ST18: variants seen among roughly 807,000 people sequenced by gnomAD.
ST18 encodes ST18 C2H2C-type zinc finger transcription factor, also known as suppression of tumorigenicity 18 protein.
ST18 carries 50 observed loss-of-function variants against 110.0 expected under a neutral mutation model. The observed-to-expected ratio is 0.45, with a 90% confidence interval of 0.36 to 0.58. The LOEUF (loss-of-function observed/expected upper bound fraction) is 0.58. ST18 is among the 20% of genes least tolerant of loss of function. The probability of loss-of-function intolerance (pLI) is 0.00; values close to 1 mark genes in which losing one functional copy is unlikely to be tolerated. For synonymous variants in ST18, 461 were observed against 452.4 expected, an observed-to-expected ratio of 1.02 and a Z score of -0.24; for missense variants, 1,306 against 1,280.1, an observed-to-expected ratio of 1.02 and a Z score of -0.31.
At chr8:52,177,685 T>A (rs2067458094) in intron 9 of ST18, among the ~76,000 whole-genome samples, 1 of 152,218 alleles carries the variant, frequency 6.6e-6, no homozygotes. Context: ...AGGTAGTCAG[T>A]GTGTGAGGAC....
intron 21 of ST18, 103 bp from the exon 22 acceptor site, chr8:52,132,282 C>T: frequency 3.0e-6 from 3 of 1,007,562 alleles, no homozygotes; most frequent in Non-Finnish European, 4.2e-6. Context: ...ATAAAAGATG[C>T]CACCATAACT....
chr8:52,197,913 A>ACACAC (rs1554700394), intron 8 of ST18, among the ~76,000 whole-genome samples: 21 of 152,030 alleles, frequency 1.4e-4, no homozygotes, highest in Middle Eastern at 3.4e-3. Context: ...ACACACACAC[A>ACACAC]AATACAGAAC....
chr8:52,315,629 C>G (rs959558005), intron 2 of ST18, among the ~76,000 whole-genome samples: 1 of 152,054 alleles, frequency 6.6e-6, no homozygotes, highest in African/African-American at 2.4e-5. Context: ...AAGCTTCTAA[C>G]CTTTTACCTC....
chr8:52,329,746 G>A (rs991766922), intron 2 of ST18, among the ~76,000 whole-genome samples: 2 of 152,088 alleles, frequency 1.3e-5, no homozygotes, highest in African/African-American at 2.4e-5. Context: ...GGGCCACAGA[G>A]CGAGGCTCTG....
chr8:52,119,095 G>T (rs889542055), intron 23 of ST18, among the ~76,000 whole-genome samples: 2 of 152,150 alleles, frequency 1.3e-5, no homozygotes, highest in Non-Finnish European at 2.9e-5. Context: ...ACATCAGCTT[G>T]GGAGTTTGAC....
At position 52,165,220 on chromosome 8, in the gene ST18, C is replaced by T. The variant is rs766527672; in HGVS notation, c.1210G>A (p.Ala404Thr). The change falls in exon 12 of 26, where the codon GCC (alanine) becomes ACC (threonine). Residue 404 changes from alanine to threonine, a missense_variant. Ala to Thr is a moderately conservative substitution (Grantham distance 58). Coordinates refer to ENST00000689386, the MANE Select transcript of ST18 (RefSeq NM_001352837.2). Reference protein sequence around the residue: ...HKVRVPLEILAMHENVLKCPT... With the variant: ...HKVRVPLEILTMHENVLKCPT... ...CACTTGAGCACATTTTCATGCATGG[C>T]AAGAACTAAGCACAAAACAACACAT... 60 of 1,614,156 alleles carry T rather than the reference C, an allele frequency of 3.7e-5. 2 individuals are homozygous for T. In the South Asian group the frequency reaches 6.4e-4, roughly 17 times the overall value.
At chr8:52,138,737 C>T (rs1401320866) in intron 17 of ST18, among the ~76,000 whole-genome samples, 1 of 152,176 alleles carries the variant, frequency 6.6e-6, no homozygotes, top group Non-Finnish European at 1.5e-5. Flanking sequence ...CCAGCCTACT[C>T]AGTGTTATTT....
chr8:52,335,914 T>G (rs1370783398), intron 2 of ST18, among the ~76,000 whole-genome samples: 1 of 152,096 alleles, frequency 6.6e-6, no homozygotes, highest in South Asian at 2.1e-4. Flanking sequence ...GCTGTTAGAA[T>G]AGAAGCAATA....
rs755446617 is a variant in ST18 at position 52,210,515 on chromosome 8, G to A, written c.86+1564C>T. Among the ~76,000 whole-genome samples, 4 of 151,640 alleles carry A rather than the reference G, an allele frequency of 2.6e-5. No homozygotes were observed. In the South Asian group the frequency reaches 6.3e-4, roughly 24 times the overall value. On this transcript the variant is annotated intron_variant, in intron 8 of 25. Coordinates refer to ENST00000689386, the MANE Select transcript of ST18 (RefSeq NM_001352837.2). ...TCTACTAAAAATATAAAAATTAGCC[G>A]GGTGTGGTGGCACACACCTGTACTC...
chr8:52,306,638 T>A (rs1456314604), intron 2 of ST18, among the ~76,000 whole-genome samples: 2 of 152,050 alleles, frequency 1.3e-5, no homozygotes, highest in Non-Finnish European at 2.9e-5. Flanking sequence ...AAGAACAAAG[T>A]ATAATAGCAG....
chr8:52,270,392 AT>A (rs2095034982), intron 2 of ST18, among the ~76,000 whole-genome samples: 1 of 152,116 alleles, frequency 6.6e-6, no homozygotes, highest in Non-Finnish European at 1.5e-5. Flanking sequence ...TGTGATGGGC[AT>A]CCTTGCTTGA....
At chr8:52,122,747 A>G (rs4352875) in intron 23 of ST18, among the ~76,000 whole-genome samples, 9,455 of 152,046 alleles carry the variant, frequency 0.062, 893 homozygotes, top group African/African-American at 0.2. Flanking sequence ...TCGGCCTCCC[A>G]AAGTTCTGGG....
intron 3 of ST18, among the ~76,000 whole-genome samples, chr8:52,227,043 A>C (rs2089703518): frequency 6.6e-6 from 1 of 152,302 alleles, no homozygotes; most frequent in South Asian, 2.1e-4. Flanking sequence ...TTATTATCTG[A>C]TTATGAGATA....
chr8:52,383,726 C>T (rs1041844009), intron 2 of ST18, among the ~76,000 whole-genome samples: 35 of 151,328 alleles, frequency 2.3e-4, no homozygotes, highest in African/African-American at 7.3e-4. Flanking sequence ...GGATTACAGG[C>T]GTGAGCCACC....
chr8:52,335,435 A>G (rs1811581523), intron 2 of ST18, among the ~76,000 whole-genome samples: 1 of 152,148 alleles, frequency 6.6e-6, no homozygotes, highest in African/African-American at 2.4e-5. Context: ...GGGACCAGAA[A>G]AGTTTCAAAT....
At chr8:52,268,645 T>C (rs1445543678) in intron 2 of ST18, among the ~76,000 whole-genome samples, 4 of 152,132 alleles carry the variant, frequency 2.6e-5, no homozygotes, top group African/African-American at 9.7e-5. Flanking sequence ...AATGCACAGA[T>C]GTGTAATAAA....
chr8:52,304,886 A>G (rs139964046), intron 2 of ST18, among the ~76,000 whole-genome samples: 1 of 152,306 alleles, frequency 6.6e-6, no homozygotes, highest in East Asian at 1.9e-4. Context: ...CACTAATCCC[A>G]TTCATAAGGG....
chr8:52,121,022 G>A (rs972531102), intron 23 of ST18, among the ~76,000 whole-genome samples: 2 of 152,136 alleles, frequency 1.3e-5, no homozygotes, highest in African/African-American at 4.8e-5. Flanking sequence ...CTGTGATGAG[G>A]CAGACTGGGA....
intron 3 of ST18, among the ~76,000 whole-genome samples, chr8:52,222,415 G>T (rs895871543): frequency 6.6e-6 from 1 of 152,198 alleles, no homozygotes. Context: ...GCCGTTTGCT[G>T]TCAGATGCAT....
Sources: gnomAD v4.1 joint callset for allele counts (sites outside exome capture counted in the v4.1 genomes callset) on GRCh38, gnomAD v4.1.1 for gene constraint, MANE v1.5 for transcripts, NCBI Gene and HGNC (gene_info 2026-07-23, HGNC 2026-07-21) for gene names.